Variants in PRKCE observed in about 807,000 individuals in gnomAD.
PRKCE encodes protein kinase C epsilon type.
PRKCE carries 16 observed loss-of-function variants against 85.4 expected under a neutral mutation model. The ratio of observed to expected loss-of-function variants is 0.19; its 90% CI spans 0.13 to 0.28. The LOEUF is 0.28. Among genes scored for constraint, PRKCE ranks in the 10% least tolerant of loss-of-function variants. PRKCE has a pLI of 1.00. For synonymous variants in PRKCE, 388 were observed against 371.5 expected (o/e 1.04, Z -0.51); for missense variants, 573 against 975.2 (o/e 0.59, Z 5.49).
chr2:45,980,664 A>G (rs546319374), intron 5 of PRKCE, among the ~76,000 whole-genome samples: 3 of 152,222 alleles, frequency 2.0e-5, no homozygotes, highest in Non-Finnish European at 4.4e-5. Context: ...TTATTGCATC[A>G]TCTCATCAGA....
At chr2:46,026,190 A>G (rs962514544) in intron 10 of PRKCE, among the ~76,000 whole-genome samples, 2 of 152,240 alleles carry the variant, frequency 1.3e-5, no homozygotes, top group Non-Finnish European at 2.9e-5. Context: ...CTGCAGGATC[A>G]TGGGAGTAAA....
chr2:46,182,184 G>A (rs544854472), intron 14 of PRKCE, among the ~76,000 whole-genome samples: 3 of 151,984 alleles, frequency 2.0e-5, no homozygotes, highest in Non-Finnish European at 4.4e-5. Flanking sequence ...TACCCAGCCC[G>A]CTCCTCCCTC....
intron 1 of PRKCE, among the ~76,000 whole-genome samples, chr2:45,760,371 A>G (rs1684363282): frequency 6.6e-6 from 1 of 152,190 alleles, no homozygotes; most frequent in South Asian, 2.1e-4. Context: ...AACCAGGTGA[A>G]TCGCACAGCT....
chr2:45,950,193 A>G (rs1558875224), intron 2 of PRKCE, among the ~76,000 whole-genome samples: 1 of 152,224 alleles, frequency 6.6e-6, no homozygotes, highest in South Asian at 2.1e-4. Flanking sequence ...TTCTGCAAAA[A>G]TGAAATTTTG....
intron 2 of PRKCE, among the ~76,000 whole-genome samples, chr2:45,974,751 T>C (rs1702331489): frequency 6.6e-6 from 1 of 152,208 alleles, no homozygotes; most frequent in African/African-American, 2.4e-5. Context: ...GGATCAATGC[T>C]TCTTCCCCTG....
At chr2:45,806,216 G>C (rs1239690860) in intron 1 of PRKCE, among the ~76,000 whole-genome samples, 1 of 152,148 alleles carries the variant, frequency 6.6e-6, no homozygotes, top group Non-Finnish European at 1.5e-5. Flanking sequence ...GGGAATCCTG[G>C]CTGGCACGTG....
At position 46,120,875 on chromosome 2, in the gene PRKCE, T is replaced by C. The variant is rs371504383; in HGVS notation, c.1593-24218T>C. Among the ~76,000 whole-genome samples the C allele has an allele frequency of 4.6e-5, 7 of 152,298 alleles. No homozygotes were observed. The East Asian group carries it at 1.2e-3, about 25-fold the overall frequency. On this transcript the variant is annotated intron_variant, in intron 11 of 14. Coordinates refer to ENST00000306156, the MANE Select transcript of PRKCE (RefSeq NM_005400.3). ...ATCCATACTGTAAAAACTAGAATAGTCTGAATAGAATCCTGCCTTCTTACC... is the reference window on the plus strand; with the variant it reads ...ATCCATACTGTAAAAACTAGAATAGCCTGAATAGAATCCTGCCTTCTTACC...
At chr2:45,837,285 C>A (rs576378005) in intron 1 of PRKCE, among the ~76,000 whole-genome samples, 2 of 152,310 alleles carry the variant, frequency 1.3e-5, no homozygotes, top group South Asian at 4.1e-4. Context: ...AAGACGGAGT[C>A]TTGCTCTGTT....
At chr2:45,880,599 T>C (rs1434901224) in intron 2 of PRKCE, among the ~76,000 whole-genome samples, 1 of 152,090 alleles carries the variant, frequency 6.6e-6, no homozygotes, top group Non-Finnish European at 1.5e-5. Context: ...GACAGTCTGT[T>C]TACTCCCTGG....
chr2:45,802,551 C>G (rs1006077804), intron 1 of PRKCE, among the ~76,000 whole-genome samples: 46 of 152,152 alleles, frequency 3.0e-4, no homozygotes, highest in African/African-American at 1.0e-3. Flanking sequence ...TGATGAGGCT[C>G]TGTCTTCTGG....
At chr2:45,969,214 T>C (rs577466599) in intron 2 of PRKCE, among the ~76,000 whole-genome samples, 5 of 152,012 alleles carry the variant, frequency 3.3e-5, no homozygotes, top group Non-Finnish European at 5.9e-5. Context: ...GAATTCTTGT[T>C]ACATCCCCAC....
chr2:45,839,747 C>T (rs1219613274), intron 1 of PRKCE, among the ~76,000 whole-genome samples: 2 of 152,214 alleles, frequency 1.3e-5, no homozygotes, highest in East Asian at 3.8e-4. Flanking sequence ...TACTTGGTGA[C>T]CCCTCCAGTC....
intron 6 of PRKCE, among the ~76,000 whole-genome samples, chr2:45,988,724 T>C (rs1281995338): frequency 6.6e-6 from 1 of 152,204 alleles, no homozygotes; most frequent in Non-Finnish European, 1.5e-5. Flanking sequence ...CGTGGGTCTG[T>C]CCGAGCCCCT....
chr2:46,156,559 G>A (rs1558511760), intron 13 of PRKCE, among the ~76,000 whole-genome samples: 1 of 152,328 alleles, frequency 6.6e-6, no homozygotes, highest in East Asian at 1.9e-4. Flanking sequence ...TGAGTACAGG[G>A]CACCTGCTAG....
chr2:45,826,325 A>G (rs993851675), intron 1 of PRKCE, among the ~76,000 whole-genome samples: 3 of 152,248 alleles, frequency 2.0e-5, no homozygotes, highest in African/African-American at 4.8e-5. Flanking sequence ...ATGTTACATG[A>G]CATTCCCACT....
chr2:45,807,619 C>T (rs1688342610), intron 1 of PRKCE, among the ~76,000 whole-genome samples: 1 of 152,222 alleles, frequency 6.6e-6, no homozygotes, highest in Admixed American at 6.5e-5. Flanking sequence ...GGCAAGGTCT[C>T]CCAGAGCTCC....
At chr2:45,932,722 T>G (rs1031232957) in intron 2 of PRKCE, among the ~76,000 whole-genome samples, 3 of 152,242 alleles carry the variant, frequency 2.0e-5, no homozygotes, top group African/African-American at 4.8e-5. Context: ...CCATGACCAC[T>G]ATCCATCTCC....
chr2:45,858,895 G>A (rs1375686685), intron 2 of PRKCE, among the ~76,000 whole-genome samples: 1 of 151,940 alleles, frequency 6.6e-6, no homozygotes, highest in East Asian at 1.9e-4. Flanking sequence ...ACAAAAATTA[G>A]CCGGGCATGG....
chr2:45,731,184 G>GATGGTTATTACAGCTA (rs1168160712), intron 1 of PRKCE, among the ~76,000 whole-genome samples: 1 of 152,164 alleles, frequency 6.6e-6, no homozygotes, highest in African/African-American at 2.4e-5. Context: ...TAGAGAGGAA[G>GATGGTTATTACAGCTA]ATGGTTATTA....
Sources: gnomAD v4.1 joint callset for allele counts (sites outside exome capture counted in the v4.1 genomes callset) on GRCh38, gnomAD v4.1.1 for gene constraint, MANE v1.5 for transcripts, NCBI Gene and HGNC (gene_info 2026-07-23, HGNC 2026-07-21) for gene names.